RUFY4: variants seen among roughly 807,000 people sequenced by gnomAD.
The protein encoded by RUFY4 is RUN and FYVE domain-containing protein 4.
RUFY4 carries 73 observed loss-of-function variants against 69.0 expected under a neutral mutation model. That is an observed-to-expected ratio of 1.06 (90% CI 0.88 to 1.29). The LOEUF (loss-of-function observed/expected upper bound fraction) is 1.29. Ranked by LOEUF, RUFY4 falls within the 50% of genes most tolerant of loss-of-function variation. The pLI is 0.00. For synonymous variants in RUFY4, 287 were observed against 271.8 expected (o/e 1.06, Z -0.55); for missense variants, 770 against 705.6 (o/e 1.09, Z -1.03).
At chr2:218,066,264 A>G (rs566076621), upstream of RUFY4, among the ~76,000 whole-genome samples, 5 of 138,962 alleles carry the variant, frequency 3.6e-5, no homozygotes, top group African/African-American at 1.4e-4. Flanking sequence ...GCTCACTGCA[A>G]CCTCCACCTC....
chr2:218,071,692 T>A (rs1689490440), intron 2 of RUFY4, among the ~76,000 whole-genome samples: 1 of 152,310 alleles, frequency 6.6e-6, no homozygotes, highest in South Asian at 2.1e-4. Context: ...GTAGCAGTCA[T>A]CACTATCTAA....
At chr2:218,073,281 A>G in exon 5 of RUFY4, 2 of 1,553,630 alleles carry the variant, frequency 1.3e-6, no homozygotes, top group Non-Finnish European at 1.7e-6. Context: ...CTCTGCCCAG[A>G]ACGCCAAGAA....
chr2:218,072,413 A>G, exon 3 of RUFY4: 1 of 1,537,402 alleles, frequency 6.5e-7, no homozygotes. Context: ...GGGGCCTCGG[A>G]AGGATTACTG....
chr2:218,056,814 G>C (rs182613217), intron 2 of RUFY4, among the ~76,000 whole-genome samples: 1 of 152,120 alleles, frequency 6.6e-6, no homozygotes, highest in African/African-American at 2.4e-5. Context: ...GGCCAGGTGC[G>C]GTGGATCACA....
exon 2 of RUFY4, chr2:218,070,793 G>A (rs1166569056): frequency 1.3e-6 from 2 of 1,537,248 alleles, no homozygotes; most frequent in East Asian, 4.9e-5. Context: ...GGGATGGGCA[G>A]GGGCCAGTGA....
At position 218,054,490 on chromosome 2, in the gene RUFY4, G is replaced by A. The variant is rs1266066124; in HGVS notation, c.-1157-4105G>A. ...GAATTGTTTGAACCCAGGAAGTGGA[G>A]GTTGCAGTGAGCCAAGATCACACAA... On this transcript the variant is annotated intron_variant and NMD_transcript_variant, in intron 2 of 13. Coordinates refer to the RUFY4 transcript ENST00000457754. Among the ~76,000 whole-genome samples, 4 of 151,468 alleles carry A rather than the reference G, an allele frequency of 2.6e-5. No individual in the cohort carries two copies. The East Asian group carries it at 5.8e-4, about 22-fold the overall frequency.
chr2:218,056,314 A>T (rs1689064121), intron 2 of RUFY4, among the ~76,000 whole-genome samples: 1 of 150,410 alleles, frequency 6.6e-6, no homozygotes, highest in South Asian at 2.1e-4. Flanking sequence ...TCCCAACAGG[A>T]TAATGTTAGC....
At chr2:218,076,585 T>C in intron 8 of RUFY4, 52 bp downstream of exon 10, 1 of 1,539,240 alleles carries the variant, frequency 6.5e-7, no homozygotes. Flanking sequence ...CCCTAGGTCC[T>C]GCTGTCAATC....
intron 2 of RUFY4, among the ~76,000 whole-genome samples, chr2:218,053,961 T>C (rs1689004597): frequency 6.6e-6 from 1 of 152,220 alleles, no homozygotes; most frequent in African/African-American, 2.4e-5. Context: ...TCTTTTAAGT[T>C]ATATTCATGT....
chr2:218,065,736 G>T (rs1311927327), upstream of RUFY4: 2 of 152,536 alleles, frequency 1.3e-5, no homozygotes, highest in South Asian at 2.1e-4. Flanking sequence ...TACTAGTGGG[G>T]TTCCCTCCCA....
intron 2 of RUFY4, among the ~76,000 whole-genome samples, chr2:218,040,629 TC>T (rs1959048359): frequency 6.6e-6 from 1 of 152,136 alleles, no homozygotes; most frequent in Non-Finnish European, 1.5e-5. Context: ...AGCCTCTTCC[TC>T]CCCTCTTTTT....
intron 2 of RUFY4, among the ~76,000 whole-genome samples, chr2:218,037,032 ACTGAGG>A (rs1421347024): frequency 2.6e-5 from 4 of 152,162 alleles, no homozygotes; most frequent in African/African-American, 9.7e-5. Flanking sequence ...TAGATAATAA[ACTGAGG>A]CTGGGTGCAG....
rs78766002 is a variant in RUFY4, at chr2:218,036,423, A to G, written c.-1158+1029A>G. Reference sequence around the variant, plus strand: ...AAGGAATCACATTATCTAGCATCCTACGACTGGGTTAAATTAAAACAGGGG... The same window carrying G: ...AAGGAATCACATTATCTAGCATCCTGCGACTGGGTTAAATTAAAACAGGGG... On this transcript the variant is annotated intron_variant and NMD_transcript_variant, in intron 2 of 13. Transcript: ENST00000457754. Among the ~76,000 whole-genome samples the G allele has an allele frequency of 2.2e-3, 324 of 150,670 alleles. 8 individuals are homozygous for G. In the East Asian group the frequency reaches 0.053, roughly 25 times the overall value.
chr2:218,083,336 C>T, intron 9 of RUFY4, 80 bp downstream of exon 11: 1 of 1,498,956 alleles, frequency 6.7e-7, no homozygotes, highest in Non-Finnish European at 8.9e-7. Context: ...GAAAATTCTA[C>T]TCCACTCACA....
intron 4 of RUFY4, 95 bp from the exon 7 acceptor site, chr2:218,073,148 T>C: frequency 6.9e-7 from 1 of 1,444,524 alleles, no homozygotes; most frequent in Admixed American, 2.1e-5. Flanking sequence ...TAGTGGAGGC[T>C]GCTTTGTTGA....
intron 2 of RUFY4, among the ~76,000 whole-genome samples, chr2:218,035,900 C>T (rs1221524291): frequency 6.6e-6 from 1 of 152,150 alleles, no homozygotes; most frequent in Non-Finnish European, 1.5e-5. Flanking sequence ...GTGGGTGTCT[C>T]GAGGAGGATG....
chr2:218,060,142 C>T (rs1689147749), intron 3 of RUFY4: 1 of 444,534 alleles, frequency 2.2e-6, no homozygotes, highest in Non-Finnish European at 4.1e-6. Context: ...GTAATTATGG[C>T]AAGGGGTGAG....
chr2:218,068,404 G>A (rs1412069063), upstream of RUFY4, among the ~76,000 whole-genome samples: 1 of 152,034 alleles, frequency 6.6e-6, no homozygotes, highest in African/African-American at 2.4e-5. Flanking sequence ...ATGAGGGAAA[G>A]ACAGGGATGG....
At chr2:218,064,124 T>A (rs542597636) in intron 3 of RUFY4, among the ~76,000 whole-genome samples, 1 of 152,208 alleles carries the variant, frequency 6.6e-6, no homozygotes, top group South Asian at 2.1e-4. Context: ...TTCTGGACAC[T>A]GCCATCTCCC....
Sources: gnomAD v4.1 joint callset for allele counts (sites outside exome capture counted in the v4.1 genomes callset) on GRCh38, gnomAD v4.1.1 for gene constraint, MANE v1.5 for transcripts, NCBI Gene and HGNC (gene_info 2026-07-23, HGNC 2026-07-21) for gene names.